Variants in CDH4 observed in about 807,000 individuals in gnomAD.
CDH4 encodes the protein cadherin-4.
In CDH4, 33 loss-of-function variants were observed where a neutral mutation model predicts 86.0. The observed-to-expected ratio is 0.38, with a 90% CI of 0.29 to 0.51. The LOEUF (loss-of-function observed/expected upper bound fraction) is 0.51. CDH4 is among the 20% of genes least tolerant of loss of function. The pLI, the probability that CDH4 is intolerant of heterozygous loss-of-function variation, is 0.86. For missense variants in CDH4, 1,114 were observed against 1,307.4 expected (o/e 0.85, Z 2.28); for synonymous variants, 555 against 549.4 (o/e 1.01, Z -0.14).
chr20:61,820,426 C>A (rs1463433443), intron 4 of CDH4, among the ~76,000 whole-genome samples: 1 of 152,232 alleles, frequency 6.6e-6, no homozygotes, highest in African/African-American at 2.4e-5. Context: ...CACCTCAAGG[C>A]CTTCACATTC....
At chr20:61,661,215 G>T (rs1031166455) in intron 2 of CDH4, among the ~76,000 whole-genome samples, 2 of 152,158 alleles carry the variant, frequency 1.3e-5, no homozygotes, top group Non-Finnish European at 2.9e-5. Flanking sequence ...CCGTCAGCCG[G>T]TGGTTCCGCC....
rs1555844235 is a variant in CDH4, at chr20:61,383,526, A to AATATATGATATATATG, written c.169+128595_169+128596insGATATATATGATATAT. ...TATATGATATATATGAATATGTATGAATATATATGAATATATATGAATATA... is the reference window on the plus strand; with the variant it reads ...TATATGATATATATGAATATGTATGAATATATGATATATATGATATATATGAATATATATGAATATA... On this transcript the variant is annotated intron_variant, in intron 2 of 15. Coordinates refer to ENST00000614565, the MANE Select transcript of CDH4 (RefSeq NM_001794.5). Among the ~76,000 whole-genome samples, 11 of 69,200 alleles carry AATATATGATATATATG rather than the reference A, an allele frequency of 1.6e-4. 1 individual carries two copies. Among genetic ancestry groups the AATATATGATATATATG allele is most frequent in the African/African-American group, 7.7e-5 (1 of 12,916 alleles). The allele number at this position is 69,200 out of a possible 152,430, so 45.4% of individuals were successfully genotyped here. A position where few individuals can be genotyped will look rare whatever the true frequency, so the allele number is the denominator to read the frequency against.
At chr20:61,345,157 G>T (rs997351235) in intron 2 of CDH4, among the ~76,000 whole-genome samples, 11 of 152,234 alleles carry the variant, frequency 7.2e-5, no homozygotes, top group Admixed American at 2.6e-4. Context: ...AAACCTAATG[G>T]GTTCCATGTG....
Position 61,829,575 on chromosome 20 carries a change from G to A in CDH4, c.577-15093G>A, listed in dbSNP as rs556935736. ...TCGCCTTTCTGGAGGCCACGAGCCT[G>A]TTTTCCACGGCGGCTCTGCGGGCCT... is the stretch of plus-strand genomic sequence containing the variant. On this transcript the variant is annotated intron_variant, in intron 4 of 15. Transcript: ENST00000614565. The surrounding 1 kb of genome is among the most constrained non-coding windows in gnomAD (Gnocchi z 4.2). Among the ~76,000 whole-genome samples, 3 of 152,226 alleles carry A rather than the reference G, an allele frequency of 2.0e-5. No individual in the cohort carries two copies. The highest frequency in any genetic ancestry group is 4.4e-5 in the Non-Finnish European group (3 of 68,040).
At chr20:61,613,125 T>G (rs1049785492) in intron 2 of CDH4, among the ~76,000 whole-genome samples, 1 of 152,026 alleles carries the variant, frequency 6.6e-6, no homozygotes, top group African/African-American at 2.4e-5. Flanking sequence ...TTTTCTCACC[T>G]CCACAAGTTT....
At chr20:61,770,926 TATG>T (rs1369455121) in intron 3 of CDH4, among the ~76,000 whole-genome samples, 2 of 148,096 alleles carry the variant, frequency 1.4e-5, no homozygotes, top group Non-Finnish European at 3.0e-5. Context: ...GGAAGTAAAA[TATG>T]ATAACAGAAC....
chr20:61,720,072 C>T (rs2088015785), intron 2 of CDH4, among the ~76,000 whole-genome samples: 1 of 152,062 alleles, frequency 6.6e-6, no homozygotes, highest in South Asian at 2.1e-4. Flanking sequence ...TAGTGGAGGG[C>T]AGTCGGCGGT....
rs146563140 is a variant in CDH4 at position 61,823,981 on chromosome 20, T to C, written c.577-20687T>C. ...TGTCTTTTGGATAGGTAAGGAACTG[T>C]TGGAGAAAGCAAAGTCACTAAGGAC... On this transcript the variant is annotated intron_variant, in intron 4 of 15. Coordinates refer to ENST00000614565, the MANE Select transcript of CDH4 (RefSeq NM_001794.5). Among the ~76,000 whole-genome samples, 807 of 152,322 alleles carry C rather than the reference T, an allele frequency of 5.3e-3. 5 individuals are homozygous for C. The highest frequency in any genetic ancestry group is 8.7e-3 in the Non-Finnish European group (595 of 68,024).
chr20:61,610,661 T>A lies in CDH4; in HGVS notation c.170-132902T>A, dbSNP rs2086678322. ...TTTCCCTGCCTCCTTGCCGGCAGGATTTTTTCTGTTGGGTGAGGTCATATT... is the reference window on the plus strand; with the variant it reads ...TTTCCCTGCCTCCTTGCCGGCAGGAATTTTTCTGTTGGGTGAGGTCATATT... On this transcript the variant is annotated intron_variant, in intron 2 of 15. Transcript: ENST00000614565. 1.3e-5 allele frequency among the ~76,000 whole-genome samples: 2 copies of A among 151,024 alleles called. 1 individual carries two copies. The highest frequency in any genetic ancestry group is 4.2e-4 in the South Asian group (2 of 4,812).
At chr20:61,539,323 C>T (rs950992743) in intron 2 of CDH4, among the ~76,000 whole-genome samples, 6 of 152,210 alleles carry the variant, frequency 3.9e-5, no homozygotes, top group African/African-American at 1.2e-4. Flanking sequence ...AAGCACCACT[C>T]CTTGGGGGCT....
chr20:61,375,343 G>A (rs1204955852), intron 2 of CDH4, among the ~76,000 whole-genome samples: 1 of 152,086 alleles, frequency 6.6e-6, no homozygotes, highest in Admixed American at 6.5e-5. Context: ...GGGAGGTGGT[G>A]ATGAATGTGG....
chr20:61,387,425 C>T (rs2084957730), intron 2 of CDH4, among the ~76,000 whole-genome samples: 1 of 151,300 alleles, frequency 6.6e-6, no homozygotes, highest in Non-Finnish European at 1.5e-5. Context: ...CACAGAGACA[C>T]ACAGCCACAC....
chr20:61,777,061 G>A (rs1444450555), intron 4 of CDH4, among the ~76,000 whole-genome samples: 1 of 152,216 alleles, frequency 6.6e-6, no homozygotes, highest in Non-Finnish European at 1.5e-5. Flanking sequence ...TCGCCAACCA[G>A]ATCATTCTTT....
chr20:61,362,896 A>G (rs2084791991), intron 2 of CDH4, among the ~76,000 whole-genome samples: 1 of 152,170 alleles, frequency 6.6e-6, no homozygotes, highest in South Asian at 2.1e-4. Flanking sequence ...CAAAGATGCC[A>G]TTCCTAACTT....
chr20:61,540,859 G>A (rs940324738), intron 2 of CDH4, among the ~76,000 whole-genome samples: 4 of 151,846 alleles, frequency 2.6e-5, no homozygotes, highest in Non-Finnish European at 4.4e-5. Context: ...GTGATTAGGC[G>A]ACCCTGAGAC....
At chr20:61,366,104 G>C (rs1191708874) in intron 2 of CDH4, among the ~76,000 whole-genome samples, 1 of 152,234 alleles carries the variant, frequency 6.6e-6, no homozygotes, top group Non-Finnish European at 1.5e-5. Flanking sequence ...CAGAAGGAGG[G>C]TAAGTGTCCT....
At chr20:61,881,008 A>T (rs576780293) in intron 7 of CDH4, among the ~76,000 whole-genome samples, 12 of 152,316 alleles carry the variant, frequency 7.9e-5, no homozygotes, top group Admixed American at 5.2e-4. Context: ...AGGATGGCCC[A>T]GGTGACCCCC....
At chr20:61,779,787 G>A (rs1978440739) in intron 4 of CDH4, among the ~76,000 whole-genome samples, 2 of 152,366 alleles carry the variant, frequency 1.3e-5, no homozygotes, top group Non-Finnish European at 2.9e-5. Context: ...TCTGCATCCC[G>A]AGATGCACGG....
At chr20:61,471,209 C>T (rs1170101733) in intron 2 of CDH4, among the ~76,000 whole-genome samples, 1 of 151,928 alleles carries the variant, frequency 6.6e-6, no homozygotes. Flanking sequence ...GATCTTATTA[C>T]TCATTATTGG....
Sources: allele counts gnomAD v4.1 joint callset (sites outside exome capture counted in the v4.1 genomes callset), GRCh38; gene constraint gnomAD v4.1.1; non-coding constraint Gnocchi (gnomAD v3.1); transcripts MANE v1.5; gene names NCBI Gene and HGNC (gene_info 2026-07-23, HGNC 2026-07-21).